Variants in XYLT1 observed in about 807,000 individuals in gnomAD.
XYLT1 encodes the protein xylosyltransferase 1.
A neutral mutation model predicts 91.3 loss-of-function variants in XYLT1; 36 were observed. That is an observed-to-expected ratio of 0.39 (90% CI 0.30 to 0.52). The LOEUF (loss-of-function observed/expected upper bound fraction) is 0.52. XYLT1 is among the 20% of genes least tolerant of loss of function. XYLT1 has a pLI of 0.68. For synonymous variants in XYLT1, 588 were observed against 532.0 expected, an observed-to-expected ratio of 1.11 and a Z score of -1.45; for missense variants, 1,242 against 1,284.5, an observed-to-expected ratio of 0.97 and a Z score of 0.51.
At chr16:17,426,066 T>C (rs898177922) in intron 1 of XYLT1, among the ~76,000 whole-genome samples, 1 of 152,212 alleles carries the variant, frequency 6.6e-6, no homozygotes, top group East Asian at 1.9e-4. Context: ...ATCCCATTAA[T>C]GACAGTATCT....
chr16:17,286,514 C>A (rs2034142472), intron 2 of XYLT1, among the ~76,000 whole-genome samples: 1 of 152,204 alleles, frequency 6.6e-6, no homozygotes, highest in Non-Finnish European at 1.5e-5. Context: ...CAACCTGTCA[C>A]CCATGTGGAT....
intron 11 of XYLT1, among the ~76,000 whole-genome samples, chr16:17,111,219 G>A (rs372198154): frequency 2.3e-4 from 35 of 152,236 alleles, no homozygotes; most frequent in East Asian, 1.2e-3. Context: ...TAACATGTAC[G>A]TAAGAGTGAC....
chr16:17,327,451 C>T (rs1359149074), intron 2 of XYLT1, among the ~76,000 whole-genome samples: 1 of 150,302 alleles, frequency 6.7e-6, no homozygotes, highest in Non-Finnish European at 1.5e-5. Flanking sequence ...CAAGCTCCGC[C>T]CCCCGGGTTC....
intron 2 of XYLT1, among the ~76,000 whole-genome samples, chr16:17,291,129 A>G (rs1053587455): frequency 2.0e-5 from 3 of 152,058 alleles, no homozygotes; most frequent in African/African-American, 4.8e-5. Flanking sequence ...CTGGGTTAAT[A>G]TATGATTTAG....
At chr16:17,409,524 T>C (rs1427370370) in intron 1 of XYLT1, among the ~76,000 whole-genome samples, 1 of 151,486 alleles carries the variant, frequency 6.6e-6, no homozygotes, top group Non-Finnish European at 1.5e-5. Flanking sequence ...ATTACCCAAG[T>C]TGGTTTTGAA....
intron 6 of XYLT1, among the ~76,000 whole-genome samples, chr16:17,150,186 T>C (rs2031248087): frequency 6.6e-6 from 1 of 152,214 alleles, no homozygotes; most frequent in African/African-American, 2.4e-5. Context: ...CTCGCGAGGA[T>C]TCAGCTCCCT....
intron 2 of XYLT1, among the ~76,000 whole-genome samples, chr16:17,343,852 G>A (rs1324540532): frequency 1.3e-5 from 2 of 152,130 alleles, no homozygotes; most frequent in African/African-American, 4.8e-5. Flanking sequence ...CTTGGCACAT[G>A]CTATCTTGTT....
chr16:17,265,237 G>T (rs564597656), intron 2 of XYLT1, among the ~76,000 whole-genome samples: 2 of 152,250 alleles, frequency 1.3e-5, no homozygotes, highest in South Asian at 4.1e-4. Flanking sequence ...GAGGAAGAGT[G>T]TATGTAAAAC....
intron 1 of XYLT1, among the ~76,000 whole-genome samples, chr16:17,464,175 T>C (rs1415920987): frequency 2.6e-5 from 4 of 151,630 alleles, no homozygotes; most frequent in African/African-American, 7.3e-5. Context: ...TCATTAACAA[T>C]AATCTATTGT....
intron 1 of XYLT1, among the ~76,000 whole-genome samples, chr16:17,422,878 A>G (rs2141923680): frequency 6.6e-6 from 1 of 152,246 alleles, no homozygotes; most frequent in East Asian, 1.9e-4. Flanking sequence ...AAATAGTTGT[A>G]TGATTTGTGT....
At chr16:17,226,668 A>T (rs1263781714) in intron 3 of XYLT1, among the ~76,000 whole-genome samples, 1 of 152,168 alleles carries the variant, frequency 6.6e-6, no homozygotes, top group Non-Finnish European at 1.5e-5. Flanking sequence ...TGGTAGTGCC[A>T]GCTACTCAGG....
At chr16:17,162,454 G>A (rs1313107576) in intron 5 of XYLT1, among the ~76,000 whole-genome samples, 2 of 150,672 alleles carry the variant, frequency 1.3e-5, no homozygotes, top group South Asian at 4.2e-4. Flanking sequence ...TTTTACGGAC[G>A]GGCAACCGAG....
intron 6 of XYLT1, 121 bp from the exon 7 acceptor site, chr16:17,141,490 C>T: frequency 1.1e-6 from 1 of 931,228 alleles, no homozygotes; most frequent in Non-Finnish European, 1.6e-6. Flanking sequence ...CTGCTGTGTG[C>T]CAGGTACTGC....
At position 17,106,478 on chromosome 16, in the gene XYLT1, C is replaced by G. The variant is rs1237617004; in HGVS notation, c.*2217G>C. The G allele has an allele frequency of 6.6e-6, 1 of 152,284 alleles. No homozygotes were observed. Among genetic ancestry groups the G allele is most frequent in the African/African-American group, 2.4e-5 (1 of 41,466 alleles). The allele number at this position is 152,284 out of a possible 1,614,324, so 9.4% of individuals were successfully genotyped here. ...TGGAATCGCTGTTGAGAATGGCTAT[C>G]TCCCGGACTCTGCTGCCTGGATCTG... On this transcript the variant is annotated 3_prime_UTR_variant, in exon 12 of 12. Transcript: ENST00000261381.
intron 3 of XYLT1, among the ~76,000 whole-genome samples, chr16:17,226,208 C>A (rs1430875518): frequency 6.6e-6 from 1 of 152,222 alleles, no homozygotes; most frequent in Non-Finnish European, 1.5e-5. Context: ...GGGAAGGCAG[C>A]ACCTTCTGAA....
chr16:17,445,301 G>A (rs528057781), intron 1 of XYLT1, among the ~76,000 whole-genome samples: 12 of 152,296 alleles, frequency 7.9e-5, no homozygotes, highest in South Asian at 4.1e-4. Flanking sequence ...TCACTGATAC[G>A]TCCCAAGAAC....
At chr16:17,437,413 G>A (rs1472218972) in intron 1 of XYLT1, among the ~76,000 whole-genome samples, 1 of 152,148 alleles carries the variant, frequency 6.6e-6, no homozygotes, top group Non-Finnish European at 1.5e-5. Context: ...TGGCTCCACA[G>A]AAGCCAAGAA....
intron 2 of XYLT1, among the ~76,000 whole-genome samples, chr16:17,300,665 G>C (rs1464923966): frequency 6.6e-6 from 1 of 151,188 alleles, no homozygotes; most frequent in African/African-American, 2.4e-5. Flanking sequence ...TCACCACCTT[G>C]GCCACGCTGG....
chr16:17,465,655 C>T (rs1185551404), intron 1 of XYLT1, among the ~76,000 whole-genome samples: 1 of 151,848 alleles, frequency 6.6e-6, no homozygotes, highest in Admixed American at 6.6e-5. Context: ...AGTACTCCTT[C>T]CTCTACCACA....
Sources: gnomAD v4.1 joint callset for allele counts (sites outside exome capture counted in the v4.1 genomes callset) on GRCh38, gnomAD v4.1.1 for gene constraint, MANE v1.5 for transcripts, NCBI Gene and HGNC (gene_info 2026-07-23, HGNC 2026-07-21) for gene names.